Variants in ADAMTSL1 observed in about 807,000 individuals in gnomAD.
ADAMTSL1 encodes the protein ADAMTS like 1.
Under a neutral mutation model 201.8 loss-of-function variants are expected in ADAMTSL1, and 126 were observed. The observed-to-expected ratio is 0.62, with a 90% CI of 0.54 to 0.72. ADAMTSL1 has a LOEUF of 0.72. Ranked by LOEUF, ADAMTSL1 falls within the 30% of genes least tolerant of loss-of-function variation. The pLI, the probability that ADAMTSL1 is intolerant of heterozygous loss-of-function variation, is 0.00. For missense variants in ADAMTSL1, 2,679 were observed against 2,277.8 expected (o/e 1.18, Z -3.59); for synonymous variants, 1,121 against 903.4 (o/e 1.24, Z -4.32).
At chr9:17,939,296 CT>C (rs34204258) in intron 1 of ADAMTSL1, among the ~76,000 whole-genome samples, 77,171 of 149,868 alleles carry the variant, frequency 0.51, 21,364 homozygotes, top group African/African-American at 0.75. Context: ...TCATTAGAAA[CT>C]TTTTTTTTTT....
intron 2 of ADAMTSL1, among the ~76,000 whole-genome samples, chr9:18,408,289 T>C (rs1403813502): frequency 6.6e-6 from 1 of 152,054 alleles, no homozygotes; most frequent in Non-Finnish European, 1.5e-5. Context: ...GCCAACATGG[T>C]GAAACACTGT....
chr9:17,999,355 A>T (rs952792467), intron 1 of ADAMTSL1, among the ~76,000 whole-genome samples: 8 of 152,020 alleles, frequency 5.3e-5, no homozygotes, highest in Non-Finnish European at 8.8e-5. Flanking sequence ...AGGATCTAGT[A>T]AGTTAGCTGC....
chr9:18,176,027 A>T (rs7020687), intron 2 of ADAMTSL1, among the ~76,000 whole-genome samples: 42,087 of 146,424 alleles, frequency 0.29, 6,602 homozygotes, highest in Admixed American at 0.37. Flanking sequence ...AAAAAAAAAA[A>T]AAAAAAGGCA....
intron 1 of ADAMTSL1, among the ~76,000 whole-genome samples, chr9:18,153,206 C>G (rs1013357382): frequency 6.6e-6 from 1 of 151,924 alleles, no homozygotes; most frequent in Non-Finnish European, 1.5e-5. Flanking sequence ...AAGAGACAAC[C>G]CAAACAGGGG....
chr9:18,777,069 G>A lies in ADAMTSL1; in HGVS notation c.2840G>A (p.Cys947Tyr). The change falls in exon 19 of 29, where the codon TGC (cysteine) becomes TAC (tyrosine). Residue 947 changes from cysteine (C) to tyrosine (Y), a missense_variant. Physicochemically the swap from Cys to Tyr is radical, Grantham distance 194. Coordinates refer to ENST00000380548, the MANE Select transcript of ADAMTSL1 (RefSeq NM_001040272.6). ...LKPSDAGVYT[C>Y]SAGPAREHFV... ...CCCTCGGATGCAGGCGTCTACACCTGCTCAGCGGGCCCGGCCCGGGAGCAC... is the reference window on the plus strand; with the variant it reads ...CCCTCGGATGCAGGCGTCTACACCTACTCAGCGGGCCCGGCCCGGGAGCAC... 3 of 1,613,326 alleles carry A rather than the reference G, an allele frequency of 1.9e-6. No homozygotes were observed. Among genetic ancestry groups the A allele is most frequent in the Non-Finnish European group, 2.5e-6 (3 of 1,179,806 alleles).
At chr9:18,441,625 A>G (rs554052434) in intron 2 of ADAMTSL1, among the ~76,000 whole-genome samples, 44 of 152,350 alleles carry the variant, frequency 2.9e-4, no homozygotes, top group African/African-American at 9.9e-4. Context: ...TAATGTCAGA[A>G]GATGAAGAAT....
chr9:18,571,297 C>T (rs1179700113), intron 3 of ADAMTSL1, among the ~76,000 whole-genome samples: 1 of 152,126 alleles, frequency 6.6e-6, no homozygotes, highest in East Asian at 1.9e-4. Flanking sequence ...AAGGCAGAGG[C>T]GATTCAGCCT....
At chr9:18,522,686 C>T (rs1010503518) in intron 2 of ADAMTSL1, among the ~76,000 whole-genome samples, 12 of 149,370 alleles carry the variant, frequency 8.0e-5, no homozygotes, top group African/African-American at 2.0e-4. Context: ...TGAGAACATG[C>T]GATGTTTGTT....
chr9:18,070,839 A>T (rs73645711), intron 1 of ADAMTSL1, among the ~76,000 whole-genome samples: 2,698 of 152,248 alleles, frequency 0.018, 70 homozygotes, highest in African/African-American at 0.061. Flanking sequence ...CTGCACACTC[A>T]TCCCCACCCC....
chr9:18,288,273 C>T (rs900527278), intron 2 of ADAMTSL1, among the ~76,000 whole-genome samples: 5 of 152,072 alleles, frequency 3.3e-5, no homozygotes, highest in African/African-American at 1.2e-4. Context: ...ATGTCTCCGG[C>T]AGTCAAAGCA....
At chr9:18,870,024 T>C (rs1390421708) in intron 23 of ADAMTSL1, among the ~76,000 whole-genome samples, 2 of 152,182 alleles carry the variant, frequency 1.3e-5, no homozygotes, top group Admixed American at 6.5e-5. Flanking sequence ...AATCTTCTGT[T>C]AAGATTGTCT....
intron 2 of ADAMTSL1, among the ~76,000 whole-genome samples, chr9:18,283,607 TAAAA>T (rs34012085): frequency 9.9e-5 from 6 of 60,754 alleles, no homozygotes; most frequent in African/African-American, 1.4e-4. Flanking sequence ...AACTGTATCT[TAAAA>T]AAAAAAAAAA....
intron 2 of ADAMTSL1, among the ~76,000 whole-genome samples, chr9:18,356,781 A>G (rs898238412): frequency 1.3e-5 from 2 of 152,198 alleles, no homozygotes; most frequent in East Asian, 1.9e-4. Context: ...GTAAATGAAG[A>G]TTTAGAACAA....
chr9:18,841,844 T>C (rs1825737530), intron 23 of ADAMTSL1, among the ~76,000 whole-genome samples: 1 of 152,254 alleles, frequency 6.6e-6, no homozygotes. Flanking sequence ...TGTAGTACTC[T>C]CTGATGGTAC....
chr9:18,280,722 A>G (rs1315373285), intron 2 of ADAMTSL1, among the ~76,000 whole-genome samples: 3 of 152,218 alleles, frequency 2.0e-5, no homozygotes, highest in African/African-American at 7.2e-5. Context: ...ACGTAGAAAT[A>G]TAAGTGACTT....
chr9:18,254,343 TG>T (rs1563837348), intron 2 of ADAMTSL1, among the ~76,000 whole-genome samples: 23 of 139,494 alleles, frequency 1.6e-4, no homozygotes, highest in African/African-American at 3.2e-4. Flanking sequence ...ATACTCTTTT[TG>T]GTTTTTTTTT....
intron 5 of ADAMTSL1, among the ~76,000 whole-genome samples, chr9:18,631,139 T>G (rs1438300746): frequency 2.0e-5 from 3 of 152,210 alleles, no homozygotes; most frequent in African/African-American, 4.8e-5. Context: ...CCTCTTGGAA[T>G]CAATGAAATA....
rs189144686 is a variant in ADAMTSL1, at chr9:18,253,359, T to C, written c.207+89378T>C. On this transcript the variant is annotated intron_variant, in intron 2 of 29. Coordinates refer to the ADAMTSL1 transcript ENST00000680146. ...CTTTATACATCTTTTGAAGATTTTC[T>C]TGGTAACAATGATCATATATTAGTT... 1.8e-3 allele frequency among the ~76,000 whole-genome samples: 271 copies of C among 152,332 alleles called. 2 individuals are homozygous for C. The highest frequency in any genetic ancestry group is 2.6e-3 in the Non-Finnish European group (178 of 68,024).
intron 2 of ADAMTSL1, among the ~76,000 whole-genome samples, chr9:18,317,308 T>A (rs530236667): frequency 2.8e-4 from 42 of 151,564 alleles, no homozygotes; most frequent in African/African-American, 9.9e-4. Flanking sequence ...GTTCTGGGGG[T>A]CGAATGTACA....
Sources: gnomAD v4.1 joint callset for allele counts (sites outside exome capture counted in the v4.1 genomes callset) on GRCh38, gnomAD v4.1.1 for gene constraint, MANE v1.5 for transcripts, NCBI Gene and HGNC (gene_info 2026-07-23, HGNC 2026-07-21) for gene names.